Variants in CDH4 observed in about 807,000 individuals in gnomAD.
CDH4 encodes the protein cadherin-4.
CDH4 carries 33 observed loss-of-function variants against 86.0 expected under a neutral mutation model. The ratio of observed to expected loss-of-function variants is 0.38; its 90% CI spans 0.29 to 0.51. The LOEUF is 0.51. CDH4 is among the 20% of genes least tolerant of loss of function. The probability of loss-of-function intolerance (pLI) is 0.86; values close to 1 mark genes in which losing one functional copy is unlikely to be tolerated. For synonymous variants in CDH4, 555 were observed against 549.4 expected (o/e 1.01, Z -0.14); for missense variants, 1,114 against 1,307.4 (o/e 0.85, Z 2.28).
intron 2 of CDH4, among the ~76,000 whole-genome samples, chr20:61,680,644 T>C (rs1005297519): frequency 5.3e-5 from 8 of 152,182 alleles, no homozygotes; most frequent in African/African-American, 1.9e-4. Context: ...TCTAAAGAAA[T>C]GGTTCCCTGT....
At position 61,810,237 on chromosome 20, in the gene CDH4, C is replaced by T. The variant is rs1303930730; in HGVS notation, c.577-34431C>T. On this transcript the variant is annotated intron_variant, in intron 4 of 15. Transcript: ENST00000614565. This position sits in a 1 kb window ranked among gnomAD's most constrained non-coding sequence, Gnocchi z 4.3. ...TCCCACTGGCAGACCCCGGGAAAGG[C>T]CATGGCCACCCACATGGATGTGTGG... 6.6e-6 allele frequency among the ~76,000 whole-genome samples: 1 copy of T among 152,204 alleles called. No homozygotes were observed. Among genetic ancestry groups the T allele is most frequent in the Non-Finnish European group, 1.5e-5 (1 of 68,024 alleles).
chr20:61,288,201 G>GA (rs11480765), intron 2 of CDH4, among the ~76,000 whole-genome samples: 126,628 of 151,350 alleles, frequency 0.84, 53,400 homozygotes, highest in East Asian at 0.92. Context: ...CATTTTCCCA[G>GA]AAAAAAAAAT....
intron 6 of CDH4, among the ~76,000 whole-genome samples, chr20:61,858,918 A>T (rs1377101638): frequency 5.3e-5 from 8 of 152,142 alleles, no homozygotes; most frequent in African/African-American, 1.9e-4. Context: ...TTTCTCTAGA[A>T]TGAATGCCCG....
intron 7 of CDH4, among the ~76,000 whole-genome samples, chr20:61,892,297 A>G (rs2122859355): frequency 6.6e-6 from 1 of 152,248 alleles, no homozygotes; most frequent in South Asian, 2.1e-4. Flanking sequence ...TGCCACCACA[A>G]TCATTGGCAA....
rs1439177857 is a variant in CDH4, at chr20:61,663,934, CCT to C, written c.170-79626_170-79625del. ...CCGCGGCAGTTTAGAGTGACACTGTCCTCTGTCCAGCACCGGTCCACGTTGAG... is the reference window on the plus strand; with the variant it reads ...CCGCGGCAGTTTAGAGTGACACTGTCCTGTCCAGCACCGGTCCACGTTGAG... On this transcript the variant is annotated intron_variant, in intron 2 of 15. Transcript: ENST00000614565. The surrounding 1 kb of genome is among the most constrained non-coding windows in gnomAD (Gnocchi z 5.0). 6.6e-6 allele frequency among the ~76,000 whole-genome samples: 1 copy of C among 152,178 alleles called. No individual in the cohort carries two copies. Among genetic ancestry groups the C allele is most frequent in the Non-Finnish European group, 1.5e-5 (1 of 68,032 alleles).
intron 2 of CDH4, among the ~76,000 whole-genome samples, chr20:61,631,392 C>A (rs988157929): frequency 3.3e-5 from 5 of 152,182 alleles, no homozygotes; most frequent in Admixed American, 6.5e-5. Context: ...TCTGTAATCC[C>A]ACTTTGGGAG....
rs773317714 is a variant in CDH4, at chr20:61,803,943, G to C, written c.576+30761G>C. On this transcript the variant is annotated intron_variant, in intron 4 of 15. Transcript: ENST00000614565. ...TGCTTCCAGGAGGCGGTGCCGAGAC[G>C]GCGGAGGTAATGGAAGCAGAAACGA... 1.3e-5 allele frequency among the ~76,000 whole-genome samples: 2 copies of C among 152,244 alleles called. 1 individual carries two copies. Among genetic ancestry groups the C allele is most frequent in the South Asian group, 4.1e-4 (2 of 4,832 alleles).
intron 2 of CDH4, among the ~76,000 whole-genome samples, chr20:61,331,842 C>T (rs1046528758): frequency 1.3e-5 from 2 of 152,142 alleles, no homozygotes; most frequent in Non-Finnish European, 2.9e-5. Flanking sequence ...TCCCCTGGAC[C>T]GCAAGCCCTT....
chr20:61,547,813 G>A (rs1385920386), intron 2 of CDH4, among the ~76,000 whole-genome samples: 4 of 152,254 alleles, frequency 2.6e-5, no homozygotes, highest in African/African-American at 9.6e-5. Context: ...GCATGGACAT[G>A]TGTGCATGCC....
At chr20:61,555,988 C>T (rs1054628285) in intron 2 of CDH4, among the ~76,000 whole-genome samples, 26 of 152,118 alleles carry the variant, frequency 1.7e-4, no homozygotes, top group African/African-American at 6.3e-4. Context: ...GTGTATGTAC[C>T]GCCCTGTGGC....
chr20:61,448,911 C>T (rs560527959), intron 2 of CDH4, among the ~76,000 whole-genome samples: 1 of 152,260 alleles, frequency 6.6e-6, no homozygotes, highest in Admixed American at 6.5e-5. Flanking sequence ...TCGAAAAGCC[C>T]TGGCATATTT....
At position 61,377,099 on chromosome 20, in the gene CDH4, G is replaced by A. The variant is rs10432764; in HGVS notation, c.169+122162G>A. Reference sequence around the variant, plus strand: ...GGCGGCTGCTGTCCTTCAAGTCTGCGTTGCCAAGGTAACTGGGGATTTGGA... The same window carrying A: ...GGCGGCTGCTGTCCTTCAAGTCTGCATTGCCAAGGTAACTGGGGATTTGGA... On this transcript the variant is annotated intron_variant, in intron 2 of 15. Coordinates refer to ENST00000614565, the MANE Select transcript of CDH4 (RefSeq NM_001794.5). The surrounding 1 kb of genome is among the most constrained non-coding windows in gnomAD (Gnocchi z 4.0). Among the ~76,000 whole-genome samples the A allele has an allele frequency of 0.069, 10,518 of 152,200 alleles. 777 individuals are homozygous for A. The highest frequency in any genetic ancestry group is 0.38 in the East Asian group (1,963 of 5,142).
intron 2 of CDH4, among the ~76,000 whole-genome samples, chr20:61,394,689 G>T (rs1032761917): frequency 3.3e-5 from 5 of 151,814 alleles, no homozygotes; most frequent in African/African-American, 9.7e-5. Flanking sequence ...CCCAGTGGGT[G>T]TTGGAGCCAG....
chr20:61,733,536 G>A (rs916761974), intron 2 of CDH4, among the ~76,000 whole-genome samples: 10 of 152,070 alleles, frequency 6.6e-5, no homozygotes, highest in African/African-American at 1.4e-4. Flanking sequence ...GACTTTGTTC[G>A]TGGGCCGGCT....
At chr20:61,636,359 T>TA (rs2086946436) in intron 2 of CDH4, among the ~76,000 whole-genome samples, 1 of 152,202 alleles carries the variant, frequency 6.6e-6, no homozygotes, top group Non-Finnish European at 1.5e-5. Flanking sequence ...CTCCAATCAT[T>TA]AAAAATGAAA....
At chr20:61,752,983 T>C (rs1279750937) in intron 3 of CDH4, among the ~76,000 whole-genome samples, 2 of 152,206 alleles carry the variant, frequency 1.3e-5, no homozygotes, top group African/African-American at 4.8e-5. Flanking sequence ...CTGTACGCTG[T>C]TGTACTTATA....
At chr20:61,929,947 A>G (rs1206317562) in intron 13 of CDH4, 105 bp downstream of exon 13, 1 of 835,572 alleles carries the variant, frequency 1.2e-6, no homozygotes, top group Non-Finnish European at 2.0e-6. Context: ...CTCAGCCCTC[A>G]TCTCTCAGCC....
At chr20:61,296,616 C>A (rs2084356516) in intron 2 of CDH4, among the ~76,000 whole-genome samples, 1 of 151,954 alleles carries the variant, frequency 6.6e-6, no homozygotes, top group Non-Finnish European at 1.5e-5. Context: ...GTTATCGATA[C>A]AATTAGAATA....
intron 2 of CDH4, among the ~76,000 whole-genome samples, chr20:61,673,217 T>C (rs1275425065): frequency 6.6e-6 from 1 of 152,166 alleles, no homozygotes; most frequent in East Asian, 1.9e-4. Context: ...AGCGCTGAGA[T>C]GTTTTTGGCC....
Sources: gnomAD v4.1 joint callset for allele counts (sites outside exome capture counted in the v4.1 genomes callset) on GRCh38, gnomAD v4.1.1 for gene constraint, Gnocchi (gnomAD v3.1) non-coding constraint, MANE v1.5 for transcripts, NCBI Gene and HGNC (gene_info 2026-07-23, HGNC 2026-07-21) for gene names.